Variants in NCOA3 observed in about 807,000 individuals in gnomAD.
NCOA3 encodes nuclear receptor coactivator 3, also known as CBP-interacting protein.
A neutral mutation model predicts 158.8 loss-of-function variants in NCOA3; 51 were observed. The ratio of observed to expected loss-of-function variants is 0.32; its 90% CI spans 0.26 to 0.41. The LOEUF (loss-of-function observed/expected upper bound fraction) is 0.41. Among genes scored for constraint, NCOA3 ranks in the 10% least tolerant of loss-of-function variants. The probability of loss-of-function intolerance (pLI) is 1.00; values close to 1 mark genes in which losing one functional copy is unlikely to be tolerated. For missense variants in NCOA3, 1,510 were observed against 1,746.6 expected, an observed-to-expected ratio of 0.86 and a Z score of 2.41; for synonymous variants, 537 against 592.4, an observed-to-expected ratio of 0.91 and a Z score of 1.36.
intron 2 of NCOA3, among the ~76,000 whole-genome samples, chr20:47,606,532 AC>A (rs1437737322): frequency 1.3e-5 from 2 of 152,146 alleles, no homozygotes; most frequent in African/African-American, 4.8e-5. Flanking sequence ...AAGCAGCAAC[AC>A]TACACCTGGC....
At chr20:47,633,226 A>G (rs72645265) in intron 8 of NCOA3, among the ~76,000 whole-genome samples, 10,359 of 152,264 alleles carry the variant, frequency 0.068, 454 homozygotes, top group Non-Finnish European at 0.097. Flanking sequence ...TACTCAGGAA[A>G]TTCTGAGGAT....
intron 2 of NCOA3, among the ~76,000 whole-genome samples, chr20:47,620,094 C>T (rs73129999): frequency 2.6e-5 from 4 of 151,714 alleles, no homozygotes; most frequent in African/African-American, 7.3e-5. Flanking sequence ...GCACCTGGCT[C>T]TTTAATTATT....
At chr20:47,615,065 G>A (rs1362016947) in intron 2 of NCOA3, among the ~76,000 whole-genome samples, 1 of 152,152 alleles carries the variant, frequency 6.6e-6, no homozygotes, top group East Asian at 1.9e-4. Flanking sequence ...AAAAAATATT[G>A]TAGTTCCAGC....
intron 1 of NCOA3, among the ~76,000 whole-genome samples, chr20:47,502,678 G>A (rs1346607646): frequency 6.6e-6 from 1 of 150,536 alleles, no homozygotes; most frequent in Non-Finnish European, 1.5e-5. Context: ...GATAAAATTA[G>A]GAGTTTGGCT....
chr20:47,580,179 G>A (rs1317668248), intron 1 of NCOA3, among the ~76,000 whole-genome samples: 1 of 152,086 alleles, frequency 6.6e-6, no homozygotes, highest in Non-Finnish European at 1.5e-5. Context: ...TATAACACTG[G>A]AGTATTAATC....
At chr20:47,585,197 G>GT (rs1351268766) in intron 2 of NCOA3, among the ~76,000 whole-genome samples, 2 of 151,690 alleles carry the variant, frequency 1.3e-5, no homozygotes, top group African/African-American at 2.4e-5. Context: ...GATTACAGGC[G>GT]TGCACGGCCA....
intron 10 of NCOA3, among the ~76,000 whole-genome samples, chr20:47,634,735 CAT>C (rs1202042237): frequency 7.9e-5 from 12 of 152,252 alleles, no homozygotes; most frequent in East Asian, 3.9e-4. Context: ...TGGTCTCACT[CAT>C]AGATTCTGTG....
At chr20:47,511,521 CGAGATA>C (rs1368865106) in intron 1 of NCOA3, among the ~76,000 whole-genome samples, 44 of 14,150 alleles carry the variant, frequency 3.1e-3, no homozygotes, top group African/African-American at 6.3e-3. Flanking sequence ...GTATCTCTCT[CGAGATA>C]TATATATATA....
intron 1 of NCOA3, among the ~76,000 whole-genome samples, chr20:47,544,293 T>C (rs2084791719): frequency 2.0e-5 from 3 of 151,138 alleles, no homozygotes. Context: ...AATGTATCTT[T>C]ATTTGTCTTT....
intron 1 of NCOA3, among the ~76,000 whole-genome samples, chr20:47,536,523 C>T (rs1206517977): frequency 6.6e-6 from 1 of 152,248 alleles, no homozygotes; most frequent in Non-Finnish European, 1.5e-5. Context: ...CACATTTTGT[C>T]TCCTTTACAG....
intron 3 of NCOA3, among the ~76,000 whole-genome samples, chr20:47,622,648 G>A (rs899305809): frequency 5.3e-5 from 8 of 152,218 alleles, no homozygotes; most frequent in Non-Finnish European, 1.2e-4. Flanking sequence ...ACCAGACTTT[G>A]TGTGAGCAAC....
At chr20:47,524,976 C>T (rs928671475) in intron 1 of NCOA3, among the ~76,000 whole-genome samples, 3 of 149,340 alleles carry the variant, frequency 2.0e-5, no homozygotes, top group African/African-American at 7.4e-5. Context: ...GGGTGTTTCT[C>T]GCAGAGGGGG....
chr20:47,526,641 A>G (rs1051627896), intron 1 of NCOA3, among the ~76,000 whole-genome samples: 7 of 152,402 alleles, frequency 4.6e-5, no homozygotes, highest in Admixed American at 2.0e-4. Context: ...CACGCCTGCA[A>G]TCGCAGGCAC....
chr20:47,652,223 G>A (rs1331685421), intron 20 of NCOA3, among the ~76,000 whole-genome samples, 183 bp from the exon 21 acceptor site: 3 of 151,866 alleles, frequency 2.0e-5, no homozygotes, highest in Admixed American at 6.6e-5. Context: ...TACTCTAGTC[G>A]TCATCTTGGT....
intron 2 of NCOA3, among the ~76,000 whole-genome samples, chr20:47,599,680 T>G (rs904803957): frequency 5.3e-5 from 8 of 152,334 alleles, no homozygotes; most frequent in South Asian, 2.1e-4. Context: ...TCTCAAACAT[T>G]GTTAGATTTC....
chr20:47,569,704 A>G (rs893572514), intron 1 of NCOA3, among the ~76,000 whole-genome samples: 2 of 151,198 alleles, frequency 1.3e-5, no homozygotes, highest in Admixed American at 6.6e-5. Context: ...ACAAAAGTCA[A>G]TCCTCTCAAA....
rs1188464075 is a variant in NCOA3 at position 47,553,556 on chromosome 20, C to G, written c.-98-29627C>G. ...AATGCTATCCCTCCCCCCCTCCCCC[C>G]ACCCACAACAGTCCCCGGTGTGTGA... On this transcript the variant is annotated intron_variant, in intron 1 of 22. Transcript: ENST00000371998. Among the ~76,000 whole-genome samples the G allele has an allele frequency of 4.2e-5, 6 of 142,468 alleles. 1 individual carries two copies. Among genetic ancestry groups the G allele is most frequent in the Non-Finnish European group, 9.2e-5 (6 of 65,376 alleles). 93.5% of individuals were successfully genotyped at this position (142,468 alleles called of 152,430 possible). A position where few individuals can be genotyped will look rare whatever the true frequency, so the allele number is the denominator to read the frequency against.
intron 1 of NCOA3, among the ~76,000 whole-genome samples, chr20:47,516,687 G>C (rs1409954733): frequency 1.3e-5 from 2 of 151,088 alleles, no homozygotes; most frequent in South Asian, 2.1e-4. Context: ...TTGGGAGGCC[G>C]AGGCAGGCAT....
At chr20:47,532,499 A>G (rs2084563015) in intron 1 of NCOA3, among the ~76,000 whole-genome samples, 1 of 152,190 alleles carries the variant, frequency 6.6e-6, no homozygotes, top group Non-Finnish European at 1.5e-5. Flanking sequence ...ATATAAATGC[A>G]TGGTTTCCAT....
Sources: allele counts gnomAD v4.1 joint callset (sites outside exome capture counted in the v4.1 genomes callset), GRCh38; gene constraint gnomAD v4.1.1; transcripts MANE v1.5; gene names NCBI Gene and HGNC (gene_info 2026-07-23, HGNC 2026-07-21).